The following SDCCAG8 variants were observed in gnomAD, a reference collection of about 807,000 sequenced individuals.
SDCCAG8 encodes the protein serologically defined colon cancer antigen 8.
SDCCAG8 carries 74 observed loss-of-function variants against 101.8 expected under a neutral mutation model. The observed-to-expected ratio is 0.73, with a 90% CI of 0.60 to 0.88. The LOEUF is 0.88. SDCCAG8 is among the 40% of genes least tolerant of loss of function. The pLI is 0.00. For missense variants in SDCCAG8, 787 were observed against 822.6 expected (o/e 0.96, Z 0.53); for synonymous variants, 281 against 292.9 (o/e 0.96, Z 0.41).
Position 243,378,882 on chromosome 1 carries a change from A to G in SDCCAG8, c.1616+19A>G, listed in dbSNP as rs779626504. On this transcript the variant is annotated intron_variant, in intron 13 of 17. Coordinates refer to ENST00000366541, the MANE Select transcript of SDCCAG8 (RefSeq NM_006642.5). ...TCACCAGGTACTCCCTAATCCCATTATGCGCCATAGCACCGATTTCATTCC... is the reference window on the plus strand; with the variant it reads ...TCACCAGGTACTCCCTAATCCCATTGTGCGCCATAGCACCGATTTCATTCC... 14 of 1,613,870 alleles carry G rather than the reference A, an allele frequency of 8.7e-6. No individual in the cohort carries two copies. The highest frequency in any genetic ancestry group is 1.2e-5 in the Non-Finnish European group (14 of 1,179,928).
intron 4 of SDCCAG8, among the ~76,000 whole-genome samples, chr1:243,282,873 G>A (rs2069185433): frequency 6.6e-6 from 1 of 152,068 alleles, no homozygotes; most frequent in Non-Finnish European, 1.5e-5. Flanking sequence ...TTGAGACTGA[G>A]TCTCGCTCTA....
chr1:243,336,221 A>C (rs1193556189), intron 10 of SDCCAG8, among the ~76,000 whole-genome samples: 1 of 152,166 alleles, frequency 6.6e-6, no homozygotes, highest in East Asian at 1.9e-4. Flanking sequence ...ACTGCTTTCC[A>C]CTGTGGCTGA....
intron 16 of SDCCAG8, among the ~76,000 whole-genome samples, chr1:243,433,698 C>T (rs1041157646): frequency 6.6e-6 from 1 of 152,206 alleles, no homozygotes; most frequent in Non-Finnish European, 1.5e-5. Flanking sequence ...TCCACTGCCC[C>T]TGGGGCAGTC....
Position 243,274,584 on chromosome 1 carries a change from C to T in SDCCAG8, c.348C>T (p.His116=), listed in dbSNP as rs143226730. Residue 116 remains histidine (H), a synonymous_variant, in exon 4 of 18, where the codon CAC becomes CAT. Transcript: ENST00000366541. ...AGGAAACCAATATGCCTACTATGCA[C>T]GACCTTGTTCATACTATTAATGACC... ...EHEETNMPTM[H]DLVHTINDQS... 5.8e-4 allele frequency: 933 copies of T among 1,610,412 alleles called. 3 individuals carry two copies. Among genetic ancestry groups the T allele is most frequent in the Middle Eastern group, 2.7e-3 (16 of 5,890 alleles).
In SDCCAG8 at chr1:243,256,057, T is replaced by C. The variant is rs1226743173; in HGVS notation, c.-117T>C. On this transcript the variant is annotated 5_prime_UTR_variant, in exon 1 of 18. Transcript: ENST00000366541. ...CTGTGCGGGATTCTAGGCTCCCCTG[T>C]GACAGCCGCGGCAGGAAGCAGGCGG... 6.3e-6 allele frequency: 6 copies of C among 948,976 alleles called. No homozygotes were observed. In the Admixed American group the frequency reaches 1.0e-4, roughly 16 times the overall value. 58.8% of individuals were successfully genotyped at this position (948,976 alleles called of 1,614,324 possible). A position where few individuals can be genotyped will look rare whatever the true frequency, so the allele number is the denominator to read the frequency against.
chr1:243,451,274 A>G, intron 16 of SDCCAG8, among the ~76,000 whole-genome samples: 1 of 152,244 alleles, frequency 6.6e-6, no homozygotes, highest in East Asian at 1.9e-4. Context: ...ACTGCTGATC[A>G]GCATGGATTT....
At chr1:243,272,156 A>G (rs1224825975) in intron 3 of SDCCAG8, among the ~76,000 whole-genome samples, 2 of 152,222 alleles carry the variant, frequency 1.3e-5, no homozygotes, top group African/African-American at 4.8e-5. Flanking sequence ...AAGATTACAT[A>G]CTTAAAATTC....
intron 13 of SDCCAG8, among the ~76,000 whole-genome samples, chr1:243,412,510 C>A (rs183129399): frequency 6.6e-6 from 1 of 152,302 alleles, no homozygotes; most frequent in East Asian, 1.9e-4. Flanking sequence ...CCCAGGACAG[C>A]TTTGAATGCA....
At chr1:243,483,403 C>T (rs553453109) in intron 16 of SDCCAG8, among the ~76,000 whole-genome samples, 89 of 152,282 alleles carry the variant, frequency 5.8e-4, no homozygotes, top group African/African-American at 1.9e-3. Context: ...CTCCGCGACC[C>T]GCCCCTGCTC....
At chr1:243,463,417 GAGA>G (rs990853254) in intron 16 of SDCCAG8, among the ~76,000 whole-genome samples, 9 of 152,014 alleles carry the variant, frequency 5.9e-5, no homozygotes, top group Non-Finnish European at 7.3e-5. Context: ...GACCCAAAAT[GAGA>G]AGAAGCACAT....
intron 6 of SDCCAG8, among the ~76,000 whole-genome samples, chr1:243,293,782 A>G (rs2149296607): frequency 6.6e-6 from 1 of 152,282 alleles, no homozygotes; most frequent in East Asian, 1.9e-4. Flanking sequence ...TGTTTCAATT[A>G]TTTTAAGTAT....
chr1:243,302,497 C>T (rs1053963113), intron 6 of SDCCAG8, among the ~76,000 whole-genome samples: 2 of 152,102 alleles, frequency 1.3e-5, no homozygotes, highest in Middle Eastern at 3.2e-3. Flanking sequence ...TCCTAACTCA[C>T]GAGACTTGAA....
At chr1:243,329,641 C>T (rs2074444834) in intron 9 of SDCCAG8, among the ~76,000 whole-genome samples, 1 of 151,998 alleles carries the variant, frequency 6.6e-6, no homozygotes, top group Non-Finnish European at 1.5e-5. Context: ...TACTATAGTA[C>T]CTTACTTTTA....
chr1:243,423,195 G>T (rs1290311162), intron 15 of SDCCAG8, among the ~76,000 whole-genome samples: 1 of 152,116 alleles, frequency 6.6e-6, no homozygotes, highest in Admixed American at 6.5e-5. Context: ...ACACTTGATA[G>T]TGATGTGTAC....
chr1:243,284,287 T>C (rs1345882094), intron 4 of SDCCAG8, among the ~76,000 whole-genome samples: 1 of 152,220 alleles, frequency 6.6e-6, no homozygotes, highest in Admixed American at 6.5e-5. Flanking sequence ...TCACCGTACA[T>C]GTCAGAGGCT....
At chr1:243,487,825 G>T in intron 16 of SDCCAG8, 1 of 152,640 alleles carries the variant, frequency 6.6e-6, no homozygotes, top group Non-Finnish European at 1.5e-5. Context: ...GGCACAGGTA[G>T]GGCGCCCCGC....
intron 17 of SDCCAG8, among the ~76,000 whole-genome samples, chr1:243,490,988 G>A (rs1383206367): frequency 2.0e-5 from 3 of 152,220 alleles, no homozygotes; most frequent in Non-Finnish European, 4.4e-5. Context: ...AGGAGGGAGG[G>A]ACCGTGACTC....
At chr1:243,432,259 T>C (rs1191192710) in intron 16 of SDCCAG8, among the ~76,000 whole-genome samples, 1 of 151,772 alleles carries the variant, frequency 6.6e-6, no homozygotes, top group Admixed American at 6.6e-5. Flanking sequence ...GAGGCTATTA[T>C]TCTTCAAACT....
intron 1 of SDCCAG8, among the ~76,000 whole-genome samples, chr1:243,257,574 G>T (rs1473465409): frequency 1.3e-5 from 2 of 152,074 alleles, no homozygotes; most frequent in Non-Finnish European, 2.9e-5. Context: ...ATTTATACTT[G>T]TTACTTAAAG....
Sources: gnomAD v4.1 joint callset for allele counts (sites outside exome capture counted in the v4.1 genomes callset) on GRCh38, gnomAD v4.1.1 for gene constraint, MANE v1.5 for transcripts, NCBI Gene and HGNC (gene_info 2026-07-23, HGNC 2026-07-21) for gene names.